PDCD6IP: variants seen among roughly 807,000 people sequenced by gnomAD.
PDCD6IP encodes programmed cell death 6 interacting protein.
Under a neutral mutation model 103.7 loss-of-function variants are expected in PDCD6IP, and 43 were observed. That is an observed-to-expected ratio of 0.41 (90% confidence interval 0.32 to 0.53). The LOEUF is 0.53. PDCD6IP is among the 20% of genes least tolerant of loss of function. The probability of loss-of-function intolerance (pLI) is 0.16; values close to 1 mark genes in which losing one functional copy is unlikely to be tolerated. For synonymous variants in PDCD6IP, 354 were observed against 378.7 expected (o/e 0.93, Z 0.76); for missense variants, 871 against 1,036.7 (o/e 0.84, Z 2.20).
Position 33,869,211 on chromosome 3 carries a change from G to GATAGT in PDCD6IP, c.*2689_*2690insGTATA, listed in dbSNP as rs1553711953. On this transcript the variant is annotated 3_prime_UTR_variant, in exon 18 of 18. Coordinates refer to ENST00000307296, the MANE Select transcript of PDCD6IP (RefSeq NM_013374.6). ...ATACATTTTCTAATTTCAGAAACAGGATAATTTGTTAAGTGGGTTTCAGTT... is the reference window on the plus strand; with the variant it reads ...ATACATTTTCTAATTTCAGAAACAGGATAGTATAATTTGTTAAGTGGGTTTCAGTT... The GATAGT allele has an allele frequency of 6.6e-6, 1 of 151,766 alleles. No individual in the cohort carries two copies. The highest frequency in any genetic ancestry group is 2.4e-5 in the African/African-American group (1 of 41,260). The allele number at this position is 151,766 out of a possible 1,614,324, so 9.4% of individuals were successfully genotyped here.
intron 3 of PDCD6IP, among the ~76,000 whole-genome samples, chr3:33,819,524 GTGTT>G (rs1390007481): frequency 8.5e-5 from 13 of 152,140 alleles, no homozygotes; most frequent in Non-Finnish European, 1.5e-5. Flanking sequence ...AGAGTAGCTG[GTGTT>G]TATGTCTGCT....
chr3:33,849,575 G>C (rs186667869), intron 12 of PDCD6IP, among the ~76,000 whole-genome samples: 1 of 152,208 alleles, frequency 6.6e-6, no homozygotes, highest in African/African-American at 2.4e-5. Flanking sequence ...CTTAATAAAG[G>C]GATACATTTA....
At chr3:33,822,517 A>G (rs942914517) in intron 4 of PDCD6IP, among the ~76,000 whole-genome samples, 6 of 152,256 alleles carry the variant, frequency 3.9e-5, no homozygotes, top group African/African-American at 1.4e-4. Flanking sequence ...GCAAGAAAAT[A>G]AAATTTTAAC....
intron 7 of PDCD6IP, among the ~76,000 whole-genome samples, chr3:33,829,484 C>CATATAT (rs60580027): frequency 6.7e-6 from 1 of 149,956 alleles, no homozygotes; most frequent in South Asian, 2.1e-4. Context: ...GATGTGTGTG[C>CATATAT]ATATATATAT....
At chr3:33,821,675 A>G (rs1696994853) in intron 3 of PDCD6IP, among the ~76,000 whole-genome samples, 2 of 152,230 alleles carry the variant, frequency 1.3e-5, no homozygotes. Flanking sequence ...TGACTTTTAC[A>G]TTTGAATTTG....
intron 7 of PDCD6IP, among the ~76,000 whole-genome samples, chr3:33,829,484 CATAT>C (rs60580027): frequency 6.7e-6 from 1 of 149,956 alleles, no homozygotes; most frequent in East Asian, 2.0e-4. Context: ...GATGTGTGTG[CATAT>C]ATATATATAT....
Position 33,814,727 on chromosome 3 carries a change from TG to T in PDCD6IP, c.334+1100del, listed in dbSNP as rs1467228276. 8.9e-5 allele frequency among the ~76,000 whole-genome samples: 13 copies of T among 146,054 alleles called. No homozygotes were observed. In the East Asian group the frequency reaches 2.4e-3, roughly 27 times the overall value. On this transcript the variant is annotated intron_variant, in intron 3 of 17. Coordinates refer to ENST00000307296, the MANE Select transcript of PDCD6IP (RefSeq NM_013374.6). ...TGTATGTATATATGTAAGTATATAA[TG>T]TATTATATACATATATGTATATATA...
chr3:33,801,474 T>C (rs897471370), intron 1 of PDCD6IP, among the ~76,000 whole-genome samples: 1 of 152,192 alleles, frequency 6.6e-6, no homozygotes, highest in African/African-American at 2.4e-5. Context: ...AATATACATT[T>C]ATGCATATTA....
At chr3:33,800,215 C>T (rs1456086826) in intron 1 of PDCD6IP, among the ~76,000 whole-genome samples, 2 of 150,982 alleles carry the variant, frequency 1.3e-5, no homozygotes, top group East Asian at 3.9e-4. Flanking sequence ...CACTGGAGAT[C>T]GTCTTGCCTC....
intron 7 of PDCD6IP, among the ~76,000 whole-genome samples, chr3:33,834,629 C>G (rs1303295169): frequency 6.6e-6 from 1 of 152,144 alleles, no homozygotes; most frequent in Non-Finnish European, 1.5e-5. Flanking sequence ...TGAATTTTAT[C>G]AAATACTTTT....
intron 11 of PDCD6IP, 151 bp from the exon 12 acceptor site, chr3:33,845,268 C>G: frequency 2.1e-6 from 1 of 468,232 alleles, no homozygotes; most frequent in Non-Finnish European, 3.8e-6. Context: ...AACGCAAAGA[C>G]TGTCAGGAGC....
intron 1 of PDCD6IP, among the ~76,000 whole-genome samples, chr3:33,810,259 G>A (rs756637012): frequency 1.3e-5 from 2 of 152,040 alleles, no homozygotes; most frequent in Admixed American, 6.5e-5. Flanking sequence ...ATTTACCTCC[G>A]AATGGTGGTC....
chr3:33,817,906 AG>A (rs1696890715), intron 3 of PDCD6IP, among the ~76,000 whole-genome samples: 1 of 152,068 alleles, frequency 6.6e-6, no homozygotes, highest in African/African-American at 2.4e-5. Flanking sequence ...AAAAAAATAA[AG>A]GAAAAAAAGA....
chr3:33,825,221 C>A lies in PDCD6IP; in HGVS notation c.497C>A (p.Thr166Lys), dbSNP rs202035864. The change falls in exon 5 of 18, where the codon ACG becomes AAG. Residue 166 changes from threonine (T) to lysine (K), a missense_variant. This residue lies in a region of PDCD6IP where 242 missense variants were observed against 250.7 expected (regional missense o/e 0.97). Coordinates refer to ENST00000307296, the MANE Select transcript of PDCD6IP (RefSeq NM_013374.6). Reference protein sequence around the residue: ...ASGAFLHIKETVLSALSREPT... With the variant: ...ASGAFLHIKEKVLSALSREPT... ...GGTGCCTTTTTACATATTAAAGAGACGGTTTTATCTGCCTTAAGTCGAGAG... is the reference window on the plus strand; with the variant it reads ...GGTGCCTTTTTACATATTAAAGAGAAGGTTTTATCTGCCTTAAGTCGAGAG... 1.9e-6 allele frequency: 3 copies of A among 1,612,120 alleles called. No individual in the cohort carries two copies. The South Asian group carries it at 3.3e-5, about 18-fold the overall frequency.
At position 33,798,659 on chromosome 3, in the gene PDCD6IP, C is replaced by A; in HGVS notation, c.-70C>A. 1.5e-6 allele frequency: 2 copies of A among 1,371,782 alleles called. No individual in the cohort carries two copies. Among genetic ancestry groups the A allele is most frequent in the Non-Finnish European group, 2.0e-6 (2 of 1,016,102 alleles). The allele number at this position is 1,371,782 out of a possible 1,614,324, so 85.0% of individuals were successfully genotyped here. A position where few individuals can be genotyped will look rare whatever the true frequency, so the allele number is the denominator to read the frequency against. ...AGTCCGCCAGTCCGCCAGCCCAGTA[C>A]CTCTCTCTCCTCGGCCCTCGTAAGC... On this transcript the variant is annotated 5_prime_UTR_variant, in exon 1 of 18. Transcript: ENST00000307296.
chr3:33,847,515 T>C (rs1423719463), intron 12 of PDCD6IP, among the ~76,000 whole-genome samples: 20 of 152,226 alleles, frequency 1.3e-4, no homozygotes, highest in Non-Finnish European at 4.4e-5. Context: ...AGACTGGTTA[T>C]AATAGTTGAT....
chr3:33,843,998 A>G (rs1044294930), intron 10 of PDCD6IP, 114 bp from the exon 11 acceptor site: 20 of 606,314 alleles, frequency 3.3e-5, no homozygotes, highest in East Asian at 2.0e-4. Context: ...ATTCTAACCT[A>G]GTATTCCCAT....
At chr3:33,803,650 A>G (rs889203243) in intron 1 of PDCD6IP, among the ~76,000 whole-genome samples, 3 of 152,128 alleles carry the variant, frequency 2.0e-5, no homozygotes, top group Non-Finnish European at 2.9e-5. Flanking sequence ...CATAATCTGT[A>G]GTTAACATTT....
intron 12 of PDCD6IP, among the ~76,000 whole-genome samples, chr3:33,850,529 C>T (rs1172732059): frequency 1.3e-5 from 2 of 151,958 alleles, no homozygotes; most frequent in Non-Finnish European, 2.9e-5. Context: ...CAACAAACAA[C>T]CCCCACCCCA....
Sources: allele counts gnomAD v4.1 joint callset (sites outside exome capture counted in the v4.1 genomes callset), GRCh38; gene constraint gnomAD v4.1.1; regional missense constraint gnomAD v4.1.1; transcripts MANE v1.5; gene names NCBI Gene and HGNC (gene_info 2026-07-23, HGNC 2026-07-21).